The following CTNNBIP1 variants were observed in gnomAD, a reference collection of about 807,000 sequenced individuals.
CTNNBIP1 encodes the protein beta-catenin-interacting protein 1.
In CTNNBIP1, 7 loss-of-function variants were observed where a neutral mutation model predicts 11.8. The observed-to-expected ratio is 0.60, with a 90% CI of 0.34 to 1.12. The LOEUF (loss-of-function observed/expected upper bound fraction) is 1.12, where lower values mean the gene tolerates loss of function less well. Among genes scored for constraint, CTNNBIP1 ranks in the 50% most tolerant of loss-of-function variants. The pLI, the probability that CTNNBIP1 is intolerant of heterozygous loss-of-function variation, is 0.03. For missense variants in CTNNBIP1, 101 were observed against 113.4 expected (o/e 0.89, Z 0.50); for synonymous variants, 58 against 43.9 (o/e 1.32, Z -1.26).
At chr1:9,869,167 T>G (rs897407639) in intron 5 of CTNNBIP1, among the ~76,000 whole-genome samples, 1 of 150,800 alleles carries the variant, frequency 6.6e-6, no homozygotes, top group African/African-American at 2.4e-5. Flanking sequence ...AGCCAGCTAG[T>G]TTTTGTATTT....
intron 1 of CTNNBIP1, among the ~76,000 whole-genome samples, chr1:9,905,509 G>A (rs567605337): frequency 1.3e-5 from 2 of 151,172 alleles, no homozygotes; most frequent in Admixed American, 6.6e-5. Flanking sequence ...TGCAAGCTCC[G>A]CCTCCCGGGT....
Position 9,855,408 on chromosome 1 carries a change from G to A in CTNNBIP1, c.188-4632C>T, listed in dbSNP as rs577395110. 7.9e-5 allele frequency among the ~76,000 whole-genome samples: 12 copies of A among 152,242 alleles called. No homozygotes were observed. The South Asian group carries it at 2.3e-3, about 29-fold the overall frequency. On this transcript the variant is annotated intron_variant, in intron 5 of 5. Transcript: ENST00000377263. Reference sequence around the variant, plus strand: ...AACTTACTACAAAGGCAAGGTCAACGAGACTGGGTGGTACTGGCATAAGGA... The same window carrying A: ...AACTTACTACAAAGGCAAGGTCAACAAGACTGGGTGGTACTGGCATAAGGA...
chr1:9,852,995 G>C (rs1485876252), intron 5 of CTNNBIP1, among the ~76,000 whole-genome samples: 1 of 152,230 alleles, frequency 6.6e-6, no homozygotes, highest in Non-Finnish European at 1.5e-5. Flanking sequence ...TGGGAAGGAA[G>C]TAATCTTCTC....
At chr1:9,906,093 T>A (rs984958638) in intron 1 of CTNNBIP1, among the ~76,000 whole-genome samples, 1 of 152,202 alleles carries the variant, frequency 6.6e-6, no homozygotes, top group African/African-American at 2.4e-5. Context: ...TACTAGGTAT[T>A]ACTTAATTTA....
chr1:9,889,331 A>G (rs1237486501), intron 1 of CTNNBIP1, among the ~76,000 whole-genome samples: 1 of 152,100 alleles, frequency 6.6e-6, no homozygotes, highest in East Asian at 1.9e-4. Context: ...GACATTTTTG[A>G]TTGTCACGAC....
intron 5 of CTNNBIP1, among the ~76,000 whole-genome samples, chr1:9,864,962 C>T (rs1269253471): frequency 6.6e-6 from 1 of 152,202 alleles, no homozygotes; most frequent in Non-Finnish European, 1.5e-5. Flanking sequence ...GGCGCAGTGG[C>T]TCATGCCTAT....
chr1:9,864,607 T>C (rs532900551), intron 5 of CTNNBIP1, among the ~76,000 whole-genome samples: 13 of 152,194 alleles, frequency 8.5e-5, no homozygotes, highest in South Asian at 6.2e-4. Flanking sequence ...AGATTACAGG[T>C]GTGAGCCACC....
intron 1 of CTNNBIP1, among the ~76,000 whole-genome samples, chr1:9,902,937 T>G (rs919403186): frequency 4.6e-5 from 7 of 152,258 alleles, no homozygotes; most frequent in African/African-American, 1.2e-4. Flanking sequence ...GGCTAATTTT[T>G]TGTATTTTTA....
intron 3 of CTNNBIP1, among the ~76,000 whole-genome samples, chr1:9,873,344 G>A (rs1175193999): frequency 6.6e-6 from 1 of 152,150 alleles, no homozygotes; most frequent in Non-Finnish European, 1.5e-5. Context: ...GTGATAACTG[G>A]GAGCTAGGAA....
In CTNNBIP1 at chr1:9,864,597, A is replaced by G. The variant is rs181508857; in HGVS notation, c.187+6590T>C. On this transcript the variant is annotated intron_variant, in intron 5 of 5. Transcript: ENST00000377263. ...CCCACCTTGGCCTCCGAAAGTGCTGAGATTACAGGTGTGAGCCACCGTGCC... is the reference window on the plus strand; with the variant it reads ...CCCACCTTGGCCTCCGAAAGTGCTGGGATTACAGGTGTGAGCCACCGTGCC... Among the ~76,000 whole-genome samples, 771 of 152,172 alleles carry G rather than the reference A, an allele frequency of 5.1e-3. 7 individuals carry two copies. Among genetic ancestry groups the G allele is most frequent in the African/African-American group, 0.017 (715 of 41,534 alleles).
intron 1 of CTNNBIP1, among the ~76,000 whole-genome samples, chr1:9,909,140 C>T (rs1639680082): frequency 6.6e-6 from 1 of 152,248 alleles, no homozygotes; most frequent in African/African-American, 2.4e-5. Flanking sequence ...CTCCTGCGAA[C>T]AGAACTTCAA....
intron 5 of CTNNBIP1, among the ~76,000 whole-genome samples, chr1:9,869,191 G>C (rs1374252043): frequency 6.6e-6 from 1 of 151,100 alleles, no homozygotes; most frequent in Non-Finnish European, 1.5e-5. Context: ...GTAGCGAGAG[G>C]GTCTCCCTAT....
At position 9,872,670 on chromosome 1, in the gene CTNNBIP1, C is replaced by T. The variant is rs1331076337; in HGVS notation, c.-24-582G>A. On this transcript the variant is annotated intron_variant, in intron 3 of 5. Transcript: ENST00000377263. The surrounding 1 kb of genome is among the most constrained non-coding windows in gnomAD (Gnocchi z 4.0). ...TCCAAGGGGTCCCTTGATGGAAAGACGCTGGCCCAGGGTTGCAGGGCTTGC... is the reference window on the plus strand; with the variant it reads ...TCCAAGGGGTCCCTTGATGGAAAGATGCTGGCCCAGGGTTGCAGGGCTTGC... Among the ~76,000 whole-genome samples the T allele has an allele frequency of 6.6e-6, 1 of 152,158 alleles. No individual in the cohort carries two copies. Among genetic ancestry groups the T allele is most frequent in the East Asian group, 1.9e-4 (1 of 5,190 alleles).
At chr1:9,889,085 C>T (rs557626227) in intron 1 of CTNNBIP1, among the ~76,000 whole-genome samples, 1 of 152,298 alleles carries the variant, frequency 6.6e-6, no homozygotes, top group African/African-American at 2.4e-5. Flanking sequence ...GCTCTGCAGG[C>T]CACCAGCAGG....
At chr1:9,895,042 G>T (rs1639383072) in intron 1 of CTNNBIP1, among the ~76,000 whole-genome samples, 1 of 152,030 alleles carries the variant, frequency 6.6e-6, no homozygotes, top group East Asian at 1.9e-4. Flanking sequence ...CAAGGAGCTG[G>T]GACTACAGAC....
intron 5 of CTNNBIP1, among the ~76,000 whole-genome samples, chr1:9,860,095 T>TG (rs746642869): frequency 5.9e-5 from 9 of 152,206 alleles, no homozygotes; most frequent in Middle Eastern, 6.8e-3. Context: ...TGCTCAGAGG[T>TG]GGCCAGGGAG....
At chr1:9,900,800 C>A (rs1639506959) in intron 1 of CTNNBIP1, among the ~76,000 whole-genome samples, 1 of 152,226 alleles carries the variant, frequency 6.6e-6, no homozygotes, top group Non-Finnish European at 1.5e-5. Context: ...CATCTTCCTG[C>A]AACTCCAGCG....
At chr1:9,886,813 C>T (rs1316197848) in intron 1 of CTNNBIP1, among the ~76,000 whole-genome samples, 7 of 152,128 alleles carry the variant, frequency 4.6e-5, no homozygotes, top group African/African-American at 9.7e-5. Flanking sequence ...GGTCCTCTAG[C>T]GACATCAAAA....
rs1032289474 is a variant in CTNNBIP1, at chr1:9,907,126, T to G, written c.-144+2969A>C. ...TCTGACATGTTCTGACAGCACAGAT[T>G]TGGAGCAGCATGGAGATAAGTTTTA... is the stretch of plus-strand genomic sequence containing the variant. On this transcript the variant is annotated intron_variant, in intron 1 of 5. Coordinates refer to ENST00000377263, the MANE Select transcript of CTNNBIP1 (RefSeq NM_020248.3). Among the ~76,000 whole-genome samples the G allele has an allele frequency of 3.8e-4, 58 of 152,138 alleles. 3 individuals carry two copies.
Sources: gnomAD v4.1 joint callset for allele counts (sites outside exome capture counted in the v4.1 genomes callset) on GRCh38, gnomAD v4.1.1 for gene constraint, Gnocchi (gnomAD v3.1) non-coding constraint, MANE v1.5 for transcripts, NCBI Gene and HGNC (gene_info 2026-07-23, HGNC 2026-07-21) for gene names.